The following RBFOX1 variants were observed in gnomAD, a reference collection of about 807,000 sequenced individuals.
RBFOX1 encodes RNA binding protein fox-1 homolog 1.
In RBFOX1, 8 loss-of-function variants were observed where a neutral mutation model predicts 57.7. That is an observed-to-expected ratio of 0.14 (90% CI 0.08 to 0.25). RBFOX1 has a LOEUF of 0.25. RBFOX1 is among the 10% of genes least tolerant of loss of function. RBFOX1 has a pLI of 1.00. For synonymous variants in RBFOX1, 326 were observed against 222.4 expected (o/e 1.47, Z -4.15); for missense variants, 611 against 548.5 (o/e 1.11, Z -1.14).
At chr16:5,807,399 C>G (rs922660995) in intron 3 of RBFOX1, among the ~76,000 whole-genome samples, 1 of 152,104 alleles carries the variant, frequency 6.6e-6, no homozygotes, top group Non-Finnish European at 1.5e-5. Context: ...TGGGTCCCTG[C>G]CAGGTCATCT....
chr16:5,631,522 A>C (rs1261928497), intron 3 of RBFOX1, among the ~76,000 whole-genome samples: 1 of 151,108 alleles, frequency 6.6e-6, no homozygotes, highest in Non-Finnish European at 1.5e-5. Flanking sequence ...GCACCACTGC[A>C]CTCCAGCCTG....
chr16:6,711,448 C>G (rs2063699509), intron 3 of RBFOX1, among the ~76,000 whole-genome samples: 1 of 152,070 alleles, frequency 6.6e-6, no homozygotes, highest in Non-Finnish European at 1.5e-5. Flanking sequence ...AATGGTAATC[C>G]CCACGTGTCA....
chr16:7,307,795 A>G (rs1033209254), intron 4 of RBFOX1, among the ~76,000 whole-genome samples: 13 of 152,192 alleles, frequency 8.5e-5, no homozygotes, highest in South Asian at 4.1e-4. Flanking sequence ...GTGGTTGTCA[A>G]CCACTTTCAG....
At chr16:5,506,569 A>G (rs996496155) in intron 2 of RBFOX1, among the ~76,000 whole-genome samples, 1 of 152,210 alleles carries the variant, frequency 6.6e-6, no homozygotes, top group Non-Finnish European at 1.5e-5. Flanking sequence ...AGGTGCAGCC[A>G]GCCTAGCTCA....
At chr16:5,993,382 T>TGA (rs1478766847) in intron 4 of RBFOX1, among the ~76,000 whole-genome samples, 82 of 31,990 alleles carry the variant, frequency 2.6e-3, no homozygotes, top group Non-Finnish European at 3.5e-3. Flanking sequence ...TGTGTGTGTG[T>TGA]GTGAGAGAGA....
intron 2 of RBFOX1, among the ~76,000 whole-genome samples, chr16:6,500,073 T>G (rs1449652520): frequency 6.6e-6 from 1 of 152,190 alleles, no homozygotes; most frequent in East Asian, 1.9e-4. Context: ...GTGTGAATGA[T>G]GTCATTTCCT....
intron 1 of RBFOX1, among the ~76,000 whole-genome samples, chr16:6,086,747 C>G (rs1015385622): frequency 7.2e-5 from 11 of 152,180 alleles, no homozygotes; most frequent in Non-Finnish European, 1.5e-4. Flanking sequence ...ATTGCATCAC[C>G]TTGTACAAAA....
chr16:7,651,657 G>A (rs114241564), intron 11 of RBFOX1, among the ~76,000 whole-genome samples: 1,760 of 152,266 alleles, frequency 0.012, 44 homozygotes, highest in African/African-American at 0.041. Flanking sequence ...TGGATAGAGG[G>A]TGGAGACAAC....
intron 2 of RBFOX1, among the ~76,000 whole-genome samples, chr16:5,525,720 A>C (rs2044218700): frequency 6.7e-6 from 1 of 150,288 alleles, no homozygotes; most frequent in Non-Finnish European, 1.5e-5. Flanking sequence ...CTGATCTTGA[A>C]CTCCTGACCT....
intron 1 of RBFOX1, among the ~76,000 whole-genome samples, chr16:5,333,967 G>C (rs1052386267): frequency 1.3e-5 from 2 of 152,194 alleles, no homozygotes; most frequent in African/African-American, 4.8e-5. Flanking sequence ...AAGAGTTAAA[G>C]ACAGAGGAAA....
intron 2 of RBFOX1, among the ~76,000 whole-genome samples, chr16:6,639,070 G>A (rs533363817): frequency 5.9e-5 from 9 of 152,296 alleles, no homozygotes; most frequent in African/African-American, 1.4e-4. Context: ...CTTAGCCATC[G>A]TTTCACTCAG....
chr16:6,425,603 A>AT (rs113706495), intron 2 of RBFOX1, among the ~76,000 whole-genome samples: 116 of 149,126 alleles, frequency 7.8e-4, no homozygotes, highest in Middle Eastern at 3.6e-3. Context: ...GTTTATCACT[A>AT]TTTTTTTTTT....
At chr16:6,431,896 G>GCTTGCTTGCTTTCTTT (rs1491277692) in intron 2 of RBFOX1, among the ~76,000 whole-genome samples, 271 of 128,182 alleles carry the variant, frequency 2.1e-3, no homozygotes, top group Middle Eastern at 7.6e-3. Flanking sequence ...TTGCTTGCTT[G>GCTTGCTTGCTTTCTTT]CTTTCTTTCT....
At chr16:6,828,660 C>T (rs765141108) in intron 3 of RBFOX1, among the ~76,000 whole-genome samples, 1 of 152,048 alleles carries the variant, frequency 6.6e-6, no homozygotes, top group Non-Finnish European at 1.5e-5. Flanking sequence ...TAGGATTCAC[C>T]TAGGACCTCA....
chr16:7,139,462 G>A (rs983803955), intron 4 of RBFOX1, among the ~76,000 whole-genome samples: 1 of 152,088 alleles, frequency 6.6e-6, no homozygotes, highest in South Asian at 2.1e-4. Context: ...TTGAGTGATG[G>A]AAGAGAGGAG....
intron 4 of RBFOX1, among the ~76,000 whole-genome samples, chr16:5,963,198 C>A (rs574039823): frequency 6.6e-6 from 1 of 152,286 alleles, no homozygotes; most frequent in African/African-American, 2.4e-5. Context: ...TTAGGTAATG[C>A]TGCTGTATCA....
intron 4 of RBFOX1, among the ~76,000 whole-genome samples, chr16:5,949,610 T>A (rs1300454906): frequency 6.6e-6 from 1 of 152,116 alleles, no homozygotes; most frequent in African/African-American, 2.4e-5. Flanking sequence ...TCGAGTCTTT[T>A]GTGTTGTAGC....
intron 3 of RBFOX1, among the ~76,000 whole-genome samples, chr16:5,772,615 G>C (rs995225489): frequency 6.6e-6 from 1 of 152,230 alleles, no homozygotes; most frequent in Admixed American, 6.5e-5. Flanking sequence ...GGGCAAGTGA[G>C]TTGAAAGGAT....
At chr16:5,644,377 A>G (rs12933048) in intron 3 of RBFOX1, among the ~76,000 whole-genome samples, 118,435 of 152,168 alleles carry the variant, frequency 0.78, 52,844 homozygotes, top group East Asian at 1. Flanking sequence ...GATTTTGGCC[A>G]TTGTGCAAAG....
Sources: gnomAD v4.1 joint callset for allele counts (sites outside exome capture counted in the v4.1 genomes callset) on GRCh38, gnomAD v4.1.1 for gene constraint, MANE v1.5 for transcripts, NCBI Gene and HGNC (gene_info 2026-07-23, HGNC 2026-07-21) for gene names.